The following DIS3 variants were observed in gnomAD, a reference collection of about 807,000 sequenced individuals.
DIS3 encodes the protein exosome complex exonuclease RRP44.
In DIS3, 103 loss-of-function variants were observed where a neutral mutation model predicts 113.0. The ratio of observed to expected loss-of-function variants is 0.91; its 90% confidence interval spans 0.78 to 1.07. DIS3 has a LOEUF of 1.07. Ranked by LOEUF, DIS3 falls within the 50% of genes least tolerant of loss-of-function variation. DIS3 has a pLI of 0.00. For missense variants in DIS3, 1,121 were observed against 1,167.1 expected, an observed-to-expected ratio of 0.96 and a Z score of 0.58; for synonymous variants, 402 against 394.3, an observed-to-expected ratio of 1.02 and a Z score of -0.23.
In DIS3 at chr13:72,756,337, G is replaced by A. The variant is rs2033472312; in HGVS notation, c.*3458C>T. 6.1e-6 allele frequency: 1 copy of A among 164,216 alleles called. No homozygotes were observed. Among genetic ancestry groups the A allele is most frequent in the African/African-American group, 2.4e-5 (1 of 41,960 alleles). The allele number at this position is 164,216 out of a possible 1,614,324, so 10.2% of individuals were successfully genotyped here. A position where few individuals can be genotyped will look rare whatever the true frequency, so the allele number is the denominator to read the frequency against. On this transcript the variant is annotated 3_prime_UTR_variant, in exon 21 of 21. Transcript: ENST00000377767. ...ATAGCCATTAGGGGACATGGCTACA[G>A]ATACTACATTGGAAAGTTGTCTTTA... is the stretch of plus-strand genomic sequence containing the variant.
intron 9 of DIS3, 121 bp downstream of exon 9, chr13:72,772,572 A>G (rs2033911166): frequency 9.0e-7 from 1 of 1,105,228 alleles, no homozygotes; most frequent in African/African-American, 1.6e-5. Context: ...TGCTATACCC[A>G]ACAAAATGCA....
Position 72,768,846 on chromosome 13 carries a change from T to A in DIS3, c.1822A>T (p.Thr608Ser). 2 of 1,608,850 alleles carry A rather than the reference T, an allele frequency of 1.2e-6. No homozygotes were observed. Among genetic ancestry groups the A allele is most frequent in the Non-Finnish European group, 1.7e-6 (2 of 1,175,674 alleles). Residue 608 changes from threonine (T) to serine (S), a missense_variant, in exon 14 of 21, where the codon ACT becomes TCT. Coordinates refer to ENST00000377767, the MANE Select transcript of DIS3 (RefSeq NM_014953.5). ...DSANMNDDITTSLRGLNKLAK... is the reference protein window; with the variant it reads ...DSANMNDDITSSLRGLNKLAK... The stretch of plus-strand genomic sequence containing the variant: ...AGTTTATTCAGTCCACGGAGACTAG[T>A]GGTAATATCATCATTCATGTTTGCT...
At chr13:72,780,436 C>T (rs1408937529) in intron 2 of DIS3, among the ~76,000 whole-genome samples, 2 of 148,190 alleles carry the variant, frequency 1.3e-5, no homozygotes, top group African/African-American at 4.9e-5. Context: ...AATAAATCTA[C>T]TTTCTATTTT....
At chr13:72,781,391 A>C in intron 1 of DIS3, 3 of 1,540,658 alleles carry the variant, frequency 1.9e-6, no homozygotes, top group Non-Finnish European at 2.6e-6. Context: ...TTAGAAAAAT[A>C]ACGTGTCTGA....
rs6562728 is a variant in DIS3, at chr13:72,756,804, G to A, written c.*2991C>T. 1 allele frequency: 152,000 copies of A among 152,330 alleles called. 75,836 individuals are homozygous for A. Among genetic ancestry groups the A allele is most frequent in the Middle Eastern group, 1 (294 of 294 alleles). 9.4% of individuals were successfully genotyped at this position (152,330 alleles called of 1,614,324 possible). On this transcript the variant is annotated 3_prime_UTR_variant, in exon 21 of 21. Transcript: ENST00000377767. ...CTTCTCCTTTTTCTGCCATGATTGTGTAAGTGTCCTGAGGCCTCACCAGCA... is the reference window on the plus strand; with the variant it reads ...CTTCTCCTTTTTCTGCCATGATTGTATAAGTGTCCTGAGGCCTCACCAGCA...
rs767361940 is a variant in DIS3, at chr13:72,759,896, G to A, written c.2794-18C>T. On this transcript the variant is annotated intron_variant, in intron 20 of 20. Transcript: ENST00000377767. ...CCTGGTATCTAAAGTAATGCAAATGGGGGGAAATAAGGTGATTTAAAGGAT... is the reference window on the plus strand; with the variant it reads ...CCTGGTATCTAAAGTAATGCAAATGAGGGGAAATAAGGTGATTTAAAGGAT... The A allele has an allele frequency of 1.4e-5, 22 of 1,589,350 alleles. No homozygotes were observed. The highest frequency in any genetic ancestry group is 1.7e-5 in the Non-Finnish European group (20 of 1,159,036).
intron 13 of DIS3, among the ~76,000 whole-genome samples, chr13:72,769,334 A>G (rs1017584712): frequency 2.2e-4 from 33 of 152,284 alleles, no homozygotes; most frequent in African/African-American, 7.9e-4. Flanking sequence ...TCGAGACACC[A>G]TGTTTTGCAG....
At chr13:72,781,522 C>A in intron 1 of DIS3, 83 bp downstream of exon 1, 1 of 1,447,446 alleles carries the variant, frequency 6.9e-7, no homozygotes, top group Non-Finnish European at 9.1e-7. Context: ...TGCCAAAGAC[C>A]CGCCTCCCTG....
At chr13:72,766,981 T>C (rs1334366337) in intron 14 of DIS3, among the ~76,000 whole-genome samples, 1 of 152,222 alleles carries the variant, frequency 6.6e-6, no homozygotes, top group Non-Finnish European at 1.5e-5. Context: ...TATTCCTTTC[T>C]TGCCTTGTAG....
At chr13:72,780,284 C>T (rs2034132750) in intron 2 of DIS3, among the ~76,000 whole-genome samples, 1 of 135,178 alleles carries the variant, frequency 7.4e-6, no homozygotes, top group African/African-American at 2.8e-5. Context: ...AGAGATCACA[C>T]CACTGCACTC....
chr13:72,773,930 A>C lies in DIS3; in HGVS notation c.1101+16T>G, dbSNP rs1268518550. ...TTTATCATTTTTTTATTACATAGTA[A>C]ATGCTCTTTACTCACCTCCTTAATG... On this transcript the variant is annotated intron_variant, in intron 7 of 20. Transcript: ENST00000377767. 9 of 1,593,922 alleles carry C rather than the reference A, an allele frequency of 5.6e-6. No individual in the cohort carries two copies. The highest frequency in any genetic ancestry group is 7.7e-6 in the Non-Finnish European group (9 of 1,171,728).
In DIS3 at chr13:72,755,261, A is replaced by G. The variant is rs144607013; in HGVS notation, c.*4534T>C. 1.1e-3 allele frequency: 1,608 copies of G among 1,509,304 alleles called. 17 individuals carry two copies. The African/African-American group carries it at 0.018, about 16-fold the overall frequency. 93.5% of individuals were successfully genotyped at this position (1,509,304 alleles called of 1,614,324 possible). A position where few individuals can be genotyped will look rare whatever the true frequency, so the allele number is the denominator to read the frequency against. ...AAGACTAAGCTTAAGAGTTCCTCGC[A>G]TATATCGTTGTGCACAGGATCAACA... On this transcript the variant is annotated 3_prime_UTR_variant, in exon 21 of 21. Transcript: ENST00000377767.
chr13:72,775,986 C>T lies in DIS3; in HGVS notation c.761G>A (p.Ser254Asn), dbSNP rs748962492. 6.2e-7 allele frequency: 1 copy of T among 1,611,506 alleles called. No individual in the cohort carries two copies. Among genetic ancestry groups the T allele is most frequent in the Non-Finnish European group, 8.5e-7 (1 of 1,179,164 alleles). ...GTYLQGTFRASRENYLEATVW... is the reference protein window; with the variant it reads ...GTYLQGTFRANRENYLEATVW... ...TGTAGCTTCCAAGTAATTTTCCCTG[C>T]TAGCTCTAAATGTTCCTTGAAGGTA... The change falls in exon 5 of 21, where the codon AGC becomes AAC. Residue 254 changes from serine (S) to asparagine (N), a missense_variant. This residue lies in a region of DIS3 where 861 missense variants were observed against 915.5 expected (regional missense o/e 0.94). Coordinates refer to ENST00000377767, the MANE Select transcript of DIS3 (RefSeq NM_014953.5).
intron 3 of DIS3, 26 bp downstream of exon 3, chr13:72,778,161 C>T (rs1169644138): frequency 1.3e-6 from 2 of 1,539,550 alleles, no homozygotes; most frequent in Admixed American, 3.4e-5. Flanking sequence ...CAAACATGCA[C>T]TAAGTACTTC....
In DIS3 at chr13:72,761,401, T is replaced by C; in HGVS notation, c.2632A>G (p.Lys878Glu). The C allele has an allele frequency of 6.2e-7, 1 of 1,608,858 alleles. No homozygotes were observed. The highest frequency in any genetic ancestry group is 1.7e-4 in the Middle Eastern group (1 of 6,046). Reference sequence around the variant, plus strand: ...ATAAGCTGTGGGTTTGGTTTGTCCTTTTCTTCAAAAAAGACTGTCCCTTCT... The same window carrying C: ...ATAAGCTGTGGGTTTGGTTTGTCCTCTTCTTCAAAAAAGACTGTCCCTTCT... ...GLEGTVFFEE[K>E]DKPNPQLIYD... The change falls in exon 19 of 21, where the codon AAG becomes GAG. Residue 878 changes from lysine to glutamate, a missense_variant. Lys to Glu is a moderately conservative substitution (Grantham distance 56). Around this residue, in one of 3 missense-constraint regions of DIS3, gnomAD observed 861 missense variants for 915.5 expected, o/e 0.94. Coordinates refer to ENST00000377767, the MANE Select transcript of DIS3 (RefSeq NM_014953.5).
chr13:72,766,103 A>G, intron 14 of DIS3, 45 bp from the exon 15 acceptor site: 1 of 1,462,172 alleles, frequency 6.8e-7, no homozygotes, highest in Non-Finnish European at 9.3e-7. Flanking sequence ...GCAAGCCAAT[A>G]AAAGACAAAA....
chr13:72,779,545 T>C (rs1263942431), intron 2 of DIS3, among the ~76,000 whole-genome samples: 1 of 152,164 alleles, frequency 6.6e-6, no homozygotes, highest in African/African-American at 2.4e-5. Context: ...GTACTAACAA[T>C]AAGAAGCCTA....
chr13:72,759,501 G>A lies in DIS3; in HGVS notation c.*294C>T, dbSNP rs1294974731. ...AAATTAATCTGCTCCTCAATGAGATGAGCACTCCATTTAAATGATCTTTAC... is the reference window on the plus strand; with the variant it reads ...AAATTAATCTGCTCCTCAATGAGATAAGCACTCCATTTAAATGATCTTTAC... On this transcript the variant is annotated 3_prime_UTR_variant, in exon 21 of 21. Coordinates refer to ENST00000377767, the MANE Select transcript of DIS3 (RefSeq NM_014953.5). 1.5e-5 allele frequency: 4 copies of A among 271,652 alleles called. No homozygotes were observed. Among genetic ancestry groups the A allele is most frequent in the Middle Eastern group, 1.0e-3 (1 of 954 alleles). 16.8% of individuals were successfully genotyped at this position (271,652 alleles called of 1,614,324 possible).
intron 9 of DIS3, 79 bp downstream of exon 9, chr13:72,772,613 TA>T: frequency 2.1e-6 from 3 of 1,454,982 alleles, no homozygotes; most frequent in Non-Finnish European, 1.8e-6. Context: ...TCTACATATT[TA>T]AAAACACATA....
Sources: gnomAD v4.1 joint callset for allele counts (sites outside exome capture counted in the v4.1 genomes callset) on GRCh38, gnomAD v4.1.1 for gene constraint, gnomAD v4.1.1 regional missense constraint, MANE v1.5 for transcripts, NCBI Gene and HGNC (gene_info 2026-07-23, HGNC 2026-07-21) for gene names.